The following DLC1 variants were observed in gnomAD, a reference collection of about 807,000 sequenced individuals.
The protein encoded by DLC1 is DLC1 Rho GTPase activating protein, also known as rho GTPase-activating protein 7.
In DLC1, 54 loss-of-function variants were observed where a neutral mutation model predicts 140.3. That is an observed-to-expected ratio of 0.38 (90% CI 0.31 to 0.48). DLC1 has a LOEUF of 0.48. Ranked by LOEUF, DLC1 falls within the 20% of genes least tolerant of loss-of-function variation. The pLI is 0.96. For missense variants in DLC1, 2,536 were observed against 1,907.0 expected (o/e 1.33, Z -6.14); for synonymous variants, 986 against 728.1 (o/e 1.35, Z -5.70).
At chr8:13,208,472 T>C (rs1240695198) in intron 5 of DLC1, among the ~76,000 whole-genome samples, 3 of 152,196 alleles carry the variant, frequency 2.0e-5, no homozygotes, top group Admixed American at 6.5e-5. Flanking sequence ...GAAACTATTC[T>C]ATTTTACAAA....
At chr8:13,217,778 C>T (rs909858603) in intron 5 of DLC1, among the ~76,000 whole-genome samples, 12 of 151,478 alleles carry the variant, frequency 7.9e-5, no homozygotes, top group Admixed American at 2.6e-4. Context: ...GCAGAGATTG[C>T]GGTGAGCCGA....
At chr8:13,382,731 A>T (rs1400556650) in intron 4 of DLC1, among the ~76,000 whole-genome samples, 1 of 152,204 alleles carries the variant, frequency 6.6e-6, no homozygotes, top group African/African-American at 2.4e-5. Flanking sequence ...AAGACCTCAG[A>T]AATACCTGAG....
chr8:13,519,086 C>G (rs559970626), upstream of DLC1, among the ~76,000 whole-genome samples: 2 of 151,618 alleles, frequency 1.3e-5, no homozygotes, highest in Admixed American at 1.3e-4. Context: ...TGGTGTGCTG[C>G]CCCCATCAAC....
In DLC1 at chr8:13,086,186, A is replaced by C; in HGVS notation, c.4466+104T>G. On this transcript the variant is annotated intron_variant, in intron 17 of 17. Transcript: ENST00000276297. ...AAACACCATTCTTCATGAAGTCACC[A>C]AGAAAAAATGACGTGTTTGTTTAAG... 5 of 1,461,808 alleles carry C rather than the reference A, an allele frequency of 3.4e-6. No homozygotes were observed. In the South Asian group the frequency reaches 6.9e-5, roughly 20 times the overall value. The allele number at this position is 1,461,808 out of a possible 1,614,324, so 90.6% of individuals were successfully genotyped here. A position where few individuals can be genotyped will look rare whatever the true frequency, so the allele number is the denominator to read the frequency against.
chr8:13,137,602 T>TGTG (rs1275386971), intron 5 of DLC1, among the ~76,000 whole-genome samples: 1 of 107,968 alleles, frequency 9.3e-6, no homozygotes, highest in Non-Finnish European at 1.8e-5. Flanking sequence ...TTTTTGGTTT[T>TGTG]GTTTTTTTTT....
intron 2 of DLC1, among the ~76,000 whole-genome samples, chr8:13,487,265 A>G (rs1363983004): frequency 6.6e-6 from 1 of 152,214 alleles, no homozygotes; most frequent in African/African-American, 2.4e-5. Flanking sequence ...ATGGACATCC[A>G]TAATATTTTT....
At chr8:13,478,921 G>A (rs1800559657) in intron 2 of DLC1, among the ~76,000 whole-genome samples, 1 of 152,188 alleles carries the variant, frequency 6.6e-6, no homozygotes, top group Non-Finnish European at 1.5e-5. Flanking sequence ...TGGCCTGTTG[G>A]CCTCCTGTTA....
At chr8:13,431,351 C>T (rs62492203) in intron 2 of DLC1, among the ~76,000 whole-genome samples, 45,081 of 151,164 alleles carry the variant, frequency 0.3, 6,821 homozygotes, top group Middle Eastern at 0.34. Flanking sequence ...GGCGAGGTGA[C>T]GGGTGCCTGT....
At chr8:13,184,152 G>T (rs1347915520) in intron 5 of DLC1, among the ~76,000 whole-genome samples, 4 of 152,078 alleles carry the variant, frequency 2.6e-5, no homozygotes, top group African/African-American at 9.7e-5. Flanking sequence ...CTATGGGATT[G>T]GTGGTGATAT....
At chr8:13,342,806 C>G (rs778751166) in intron 4 of DLC1, 3 of 151,132 alleles carry the variant, frequency 2.0e-5, no homozygotes. Context: ...CTCTCTCTCG[C>G]TTTGCCTCCA....
At chr8:13,245,325 T>G (rs1585993733) in intron 5 of DLC1, among the ~76,000 whole-genome samples, 2 of 152,156 alleles carry the variant, frequency 1.3e-5, no homozygotes, top group Non-Finnish European at 2.9e-5. Context: ...CCTTTGAAAC[T>G]CTCCTGGCCA....
At chr8:13,446,213 T>C (rs1270621258) in intron 2 of DLC1, among the ~76,000 whole-genome samples, 5 of 152,346 alleles carry the variant, frequency 3.3e-5, no homozygotes, top group East Asian at 3.9e-4. Flanking sequence ...CAGGCTCTTA[T>C]GGTATCACTC....
intron 5 of DLC1, among the ~76,000 whole-genome samples, chr8:13,283,065 A>C (rs1368331704): frequency 6.6e-6 from 1 of 152,232 alleles, no homozygotes; most frequent in African/African-American, 2.4e-5. Flanking sequence ...ATGGCTGCAT[A>C]ATATACTCAG....
At chr8:13,125,575 T>A (rs973095116) in intron 5 of DLC1, among the ~76,000 whole-genome samples, 1 of 152,170 alleles carries the variant, frequency 6.6e-6, no homozygotes, top group Non-Finnish European at 1.5e-5. Flanking sequence ...TGGTACAGAA[T>A]TGAGGTGATT....
chr8:13,234,912 G>A (rs1829211714), intron 5 of DLC1, among the ~76,000 whole-genome samples: 1 of 152,012 alleles, frequency 6.6e-6, no homozygotes, highest in Non-Finnish European at 1.5e-5. Flanking sequence ...ATTTTAAAAA[G>A]AAACTAAATC....
At chr8:13,321,297 T>C (rs1271163641) in intron 4 of DLC1, among the ~76,000 whole-genome samples, 2 of 152,232 alleles carry the variant, frequency 1.3e-5, no homozygotes, top group East Asian at 3.9e-4. Flanking sequence ...CTCAGCACTT[T>C]GCAAGGCTGT....
intron 1 of DLC1, among the ~76,000 whole-genome samples, chr8:13,535,443 A>G (rs1229985894): frequency 6.6e-6 from 1 of 152,140 alleles, no homozygotes; most frequent in Non-Finnish European, 1.5e-5. Context: ...CTCCTGCTCT[A>G]CCTTGTTTAC....
At chr8:13,477,296 G>T (rs557644146) in intron 2 of DLC1, among the ~76,000 whole-genome samples, 2 of 152,150 alleles carry the variant, frequency 1.3e-5, no homozygotes, top group Non-Finnish European at 2.9e-5. Context: ...ATGTAGCTTT[G>T]GTAATTTAAA....
intron 2 of DLC1, among the ~76,000 whole-genome samples, chr8:13,408,822 A>C (rs1433672113): frequency 6.6e-6 from 1 of 151,908 alleles, no homozygotes; most frequent in Non-Finnish European, 1.5e-5. Context: ...ATACTTAGTA[A>C]CTCTTTGCTT....
Sources: allele counts gnomAD v4.1 joint callset (sites outside exome capture counted in the v4.1 genomes callset), GRCh38; gene constraint gnomAD v4.1.1; transcripts MANE v1.5; gene names NCBI Gene and HGNC (gene_info 2026-07-23, HGNC 2026-07-21).